Variants in STX6 observed in about 807,000 individuals in gnomAD.
STX6 encodes syntaxin 6.
A neutral mutation model predicts 38.0 loss-of-function variants in STX6; 23 were observed. The observed-to-expected ratio is 0.60, with a 90% CI of 0.43 to 0.86. STX6 has a LOEUF of 0.86. Among genes scored for constraint, STX6 ranks in the 40% least tolerant of loss-of-function variants. STX6 has a pLI of 0.00. For missense variants in STX6, 274 were observed against 312.9 expected, an observed-to-expected ratio of 0.88 and a Z score of 0.94; for synonymous variants, 123 against 107.5, an observed-to-expected ratio of 1.14 and a Z score of -0.89.
intron 1 of STX6, among the ~76,000 whole-genome samples, chr1:181,013,624 ACT>A (rs1447682995): frequency 6.6e-6 from 1 of 152,108 alleles, no homozygotes. Context: ...ATGCTGGCAG[ACT>A]CTGAATTGGC....
chr1:180,999,883 T>TGGAGA (rs1459096397), intron 3 of STX6, among the ~76,000 whole-genome samples: 1 of 152,352 alleles, frequency 6.6e-6, no homozygotes, highest in East Asian at 1.9e-4. Context: ...GCTAACCCTC[T>TGGAGA]GCTCCCTCTC....
At chr1:180,989,822 T>C (rs1310778565) in intron 5 of STX6, among the ~76,000 whole-genome samples, 162 bp downstream of exon 5, 1 of 152,154 alleles carries the variant, frequency 6.6e-6, no homozygotes, top group African/African-American at 2.4e-5. Context: ...TGTGAAGATT[T>C]TGAAACCCTT....
At chr1:180,993,567 C>T in intron 3 of STX6, 142 bp from the exon 4 acceptor site, 1 of 514,698 alleles carries the variant, frequency 1.9e-6, no homozygotes, top group Non-Finnish European at 3.4e-6. Flanking sequence ...TTTTCAGTCT[C>T]AAAAATAAAG....
At chr1:181,012,822 G>A (rs947756365) in intron 1 of STX6, among the ~76,000 whole-genome samples, 1 of 151,812 alleles carries the variant, frequency 6.6e-6, no homozygotes, top group Non-Finnish European at 1.5e-5. Flanking sequence ...TTACAGGCAT[G>A]CACCACCACG....
Position 180,976,325 on chromosome 1 carries a change from G to T in STX6, c.*245C>A, listed in dbSNP as rs1041947384. On this transcript the variant is annotated 3_prime_UTR_variant, in exon 8 of 8. Transcript: ENST00000258301. ...GCTAGTTCTCCTCCGAACTGGACAG[G>T]CGGCATGGGGCTTCTGTTGTCCAGC... 1.2e-5 allele frequency: 6 copies of T among 490,896 alleles called. No homozygotes were observed. The highest frequency in any genetic ancestry group is 1.2e-4 in the African/African-American group (6 of 51,684). The allele number at this position is 490,896 out of a possible 1,614,324, so 30.4% of individuals were successfully genotyped here.
chr1:181,008,584 ATTGC>A (rs1656294753), intron 1 of STX6, among the ~76,000 whole-genome samples: 1 of 152,208 alleles, frequency 6.6e-6, no homozygotes, highest in Non-Finnish European at 1.5e-5. Context: ...TCTACTGAGT[ATTGC>A]AGAACCTCCA....
chr1:181,017,842 G>C (rs1656607999), intron 1 of STX6, among the ~76,000 whole-genome samples: 1 of 152,114 alleles, frequency 6.6e-6, no homozygotes, highest in Non-Finnish European at 1.5e-5. Flanking sequence ...AGGACAACGT[G>C]GTAGTATGCA....
At chr1:180,999,615 T>C (rs1255034632) in intron 3 of STX6, among the ~76,000 whole-genome samples, 1 of 150,380 alleles carries the variant, frequency 6.6e-6, no homozygotes, top group Non-Finnish European at 1.5e-5. Context: ...TGGACATTAA[T>C]CAAGAAGAAA....
At position 181,014,350 on chromosome 1, in the gene STX6, C is replaced by T. The variant is rs551247822; in HGVS notation, c.35+8289G>A. Among the ~76,000 whole-genome samples, 30 of 150,734 alleles carry T rather than the reference C, an allele frequency of 2.0e-4. 1 individual carries two copies. In the South Asian group the frequency reaches 5.0e-3, roughly 25 times the overall value. On this transcript the variant is annotated intron_variant, in intron 1 of 7. Transcript: ENST00000258301. ...CGAAGGTTGCAGTAAGCCGAGATTG[C>T]ACCACTGCACTCCAGCTTGGGAGAC...
intron 1 of STX6, among the ~76,000 whole-genome samples, chr1:181,007,355 A>G (rs1157657053): frequency 2.0e-5 from 3 of 152,022 alleles, no homozygotes; most frequent in Admixed American, 6.6e-5. Context: ...TTCAGTAGGG[A>G]TGCAACCATT....
intron 1 of STX6, among the ~76,000 whole-genome samples, chr1:181,013,706 G>A (rs1558099659): frequency 6.6e-6 from 1 of 152,192 alleles, no homozygotes; most frequent in East Asian, 1.9e-4. Flanking sequence ...CATTTATCAT[G>A]TCATGGAGTC....
intron 7 of STX6, among the ~76,000 whole-genome samples, chr1:180,977,824 TAAA>T (rs1655298191): frequency 6.6e-6 from 1 of 152,234 alleles, no homozygotes; most frequent in African/African-American, 2.4e-5. Flanking sequence ...AACATGTACT[TAAA>T]ATTATTTTAA....
chr1:180,999,137 G>A (rs1411731047), intron 3 of STX6, among the ~76,000 whole-genome samples: 1 of 152,126 alleles, frequency 6.6e-6, no homozygotes, highest in Admixed American at 6.6e-5. Flanking sequence ...GAGCAGGTTC[G>A]GTTTTTTCAT....
At chr1:181,018,659 T>C (rs990165889) in intron 1 of STX6, among the ~76,000 whole-genome samples, 17 of 152,268 alleles carry the variant, frequency 1.1e-4, no homozygotes, top group African/African-American at 2.9e-4. Context: ...GAACAGGACA[T>C]TGACAATGTC....
At chr1:181,022,570 A>C in intron 1 of STX6, 69 bp downstream of exon 1, 1 of 1,520,018 alleles carries the variant, frequency 6.6e-7, no homozygotes, top group Non-Finnish European at 9.0e-7. Context: ...CACTGCGAGA[A>C]GACCTAGGAG....
intron 6 of STX6, among the ~76,000 whole-genome samples, chr1:180,987,542 C>G (rs1655623387): frequency 6.6e-6 from 1 of 152,152 alleles, no homozygotes; most frequent in Admixed American, 6.5e-5. Context: ...CATAATCAAT[C>G]AATGTGTCAT....
intron 1 of STX6, among the ~76,000 whole-genome samples, chr1:181,016,997 C>T (rs1269488585): frequency 2.0e-5 from 3 of 151,890 alleles, no homozygotes; most frequent in Middle Eastern, 3.2e-3. Context: ...TGCTTGAACC[C>T]GGGAGGCGGA....
chr1:181,002,417 G>A (rs1037457863), intron 3 of STX6, among the ~76,000 whole-genome samples, 189 bp downstream of exon 3: 2 of 152,016 alleles, frequency 1.3e-5, no homozygotes, highest in African/African-American at 2.4e-5. Flanking sequence ...ACCTCCCAAA[G>A]TGCTGAGATT....
intron 4 of STX6, among the ~76,000 whole-genome samples, 182 bp downstream of exon 4, chr1:180,993,181 G>T (rs147345450): frequency 9.5e-4 from 145 of 152,256 alleles, no homozygotes; most frequent in African/African-American, 3.5e-3. Context: ...GGAGGGAAAT[G>T]TTGACAGGGT....
Sources: gnomAD v4.1 joint callset for allele counts (sites outside exome capture counted in the v4.1 genomes callset) on GRCh38, gnomAD v4.1.1 for gene constraint, MANE v1.5 for transcripts, NCBI Gene and HGNC (gene_info 2026-07-23, HGNC 2026-07-21) for gene names.